USH2A: variants seen among roughly 807,000 people sequenced by gnomAD.
USH2A encodes Usher syndrome 2A (autosomal recessive, mild).
In USH2A, 443 loss-of-function variants were observed where a neutral mutation model predicts 538.9. The ratio of observed to expected loss-of-function variants is 0.82; its 90% CI spans 0.76 to 0.89. The LOEUF is 0.89. Among genes scored for constraint, USH2A ranks in the 40% least tolerant of loss-of-function variants. The probability of loss-of-function intolerance (pLI) is 0.00; values close to 1 mark genes in which losing one functional copy is unlikely to be tolerated. For missense variants in USH2A, 6,633 were observed against 6,324.8 expected, an observed-to-expected ratio of 1.05 and a Z score of -1.65; for synonymous variants, 2,413 against 2,273.5, an observed-to-expected ratio of 1.06 and a Z score of -1.75.
chr1:216,258,329 A>G (rs1263523982), intron 11 of USH2A, among the ~76,000 whole-genome samples: 1 of 152,058 alleles, frequency 6.6e-6, no homozygotes, highest in African/African-American at 2.4e-5. Context: ...ACGAATCATA[A>G]ATTTTCTCGC....
intron 15 of USH2A, among the ~76,000 whole-genome samples, chr1:216,211,795 G>A (rs945334734): frequency 6.6e-6 from 1 of 151,854 alleles, no homozygotes; most frequent in Non-Finnish European, 1.5e-5. Context: ...TTCCATATTT[G>A]ATATGGTCAC....
chr1:215,878,156 C>T (rs1664822799), intron 42 of USH2A, among the ~76,000 whole-genome samples: 1 of 152,050 alleles, frequency 6.6e-6, no homozygotes, highest in Non-Finnish European at 1.5e-5. Flanking sequence ...GTTAGATGTG[C>T]CAAATCTTTA....
chr1:215,764,394 T>C (rs1186159161), intron 56 of USH2A, among the ~76,000 whole-genome samples: 1 of 152,184 alleles, frequency 6.6e-6, no homozygotes, highest in Non-Finnish European at 1.5e-5. Context: ...ATCTCTAAAA[T>C]GAATTAGAAC....
At chr1:216,032,847 G>A (rs879855358) in intron 32 of USH2A, among the ~76,000 whole-genome samples, 22 of 152,138 alleles carry the variant, frequency 1.4e-4, no homozygotes, top group Non-Finnish European at 2.2e-4. Context: ...ACTGAATTCA[G>A]CCAGCAACCT....
intron 11 of USH2A, among the ~76,000 whole-genome samples, chr1:216,276,137 G>C (rs964545476): frequency 1.3e-5 from 2 of 152,238 alleles, no homozygotes; most frequent in Non-Finnish European, 2.9e-5. Context: ...CAAAAGGCTG[G>C]ATGTCCTCAA....
At chr1:215,772,534 A>G (rs889802940) in intron 55 of USH2A, among the ~76,000 whole-genome samples, 3 of 152,216 alleles carry the variant, frequency 2.0e-5, no homozygotes, top group Non-Finnish European at 2.9e-5. Flanking sequence ...TCCAAGTAAC[A>G]TTACTTTGAA....
At chr1:216,351,497 C>T (rs909244607) in intron 4 of USH2A, among the ~76,000 whole-genome samples, 2 of 152,190 alleles carry the variant, frequency 1.3e-5, no homozygotes, top group African/African-American at 4.8e-5. Flanking sequence ...ACAAGGAGAA[C>T]AAAATAAACA....
chr1:216,121,151 T>A (rs774226759), intron 21 of USH2A, among the ~76,000 whole-genome samples: 4 of 152,158 alleles, frequency 2.6e-5, no homozygotes, highest in Non-Finnish European at 4.4e-5. Flanking sequence ...ATATATTAGT[T>A]TCAAAACAGA....
At chr1:215,912,433 A>T (rs7546277) in intron 38 of USH2A, among the ~76,000 whole-genome samples, 139,462 of 145,480 alleles carry the variant, frequency 0.96, 66,883 homozygotes, top group East Asian at 1. Flanking sequence ...AGAATTTTTG[A>T]GGGTAGGTAG....
At chr1:215,651,637 G>A (rs1457066805) in intron 64 of USH2A, among the ~76,000 whole-genome samples, 1 of 149,576 alleles carries the variant, frequency 6.7e-6, no homozygotes, top group Non-Finnish European at 1.5e-5. Flanking sequence ...TGATTCTACA[G>A]TACACACATT....
intron 3 of USH2A, among the ~76,000 whole-genome samples, chr1:216,415,571 A>C (rs905970248): frequency 2.2e-5 from 3 of 135,660 alleles, no homozygotes; most frequent in South Asian, 2.3e-4. Context: ...GCTGGAATGC[A>C]GTGGCATGAT....
At chr1:215,961,711 A>G (rs986823218) in intron 37 of USH2A, among the ~76,000 whole-genome samples, 2 of 151,874 alleles carry the variant, frequency 1.3e-5, no homozygotes, top group Admixed American at 6.6e-5. Flanking sequence ...ATTAATAAAG[A>G]TGGAAATTTA....
At chr1:215,966,870 C>T (rs1480101910) in intron 36 of USH2A, among the ~76,000 whole-genome samples, 1 of 152,050 alleles carries the variant, frequency 6.6e-6, no homozygotes, top group African/African-American at 2.4e-5. Flanking sequence ...TATTATAATC[C>T]TCAAATATTT....
At chr1:215,832,322 G>A (rs555295471) in intron 47 of USH2A, among the ~76,000 whole-genome samples, 1 of 151,786 alleles carries the variant, frequency 6.6e-6, no homozygotes, top group South Asian at 2.1e-4. Flanking sequence ...TCCAGGCAAA[G>A]GTATTACAAG....
intron 15 of USH2A, among the ~76,000 whole-genome samples, chr1:216,211,582 T>C (rs1410445946): frequency 6.6e-6 from 1 of 152,236 alleles, no homozygotes; most frequent in Non-Finnish European, 1.5e-5. Flanking sequence ...ATTTACATCA[T>C]ATGTTTTAAA....
intron 40 of USH2A, among the ~76,000 whole-genome samples, chr1:215,891,974 C>T (rs1394091081): frequency 6.6e-6 from 1 of 152,166 alleles, no homozygotes; most frequent in Non-Finnish European, 1.5e-5. Flanking sequence ...ACATTAATAA[C>T]GGAAAGTAGT....
At chr1:215,654,843 AT>A (rs779033405) in intron 64 of USH2A, among the ~76,000 whole-genome samples, 5 of 152,232 alleles carry the variant, frequency 3.3e-5, no homozygotes, top group Admixed American at 6.5e-5. Flanking sequence ...CATTAAAAAA[AT>A]GAAATTGTTC....
intron 21 of USH2A, among the ~76,000 whole-genome samples, chr1:216,111,756 G>A (rs535617540): frequency 3.1e-4 from 46 of 149,724 alleles, no homozygotes; most frequent in African/African-American, 1.1e-3. Context: ...AAACTAAAAA[G>A]AAAATTTTCA....
intron 61 of USH2A, among the ~76,000 whole-genome samples, chr1:215,718,114 T>C (rs1365873394): frequency 1.3e-5 from 2 of 152,218 alleles, no homozygotes; most frequent in Admixed American, 6.5e-5. Flanking sequence ...TCTAGCTTAC[T>C]ATTACCCAGG....
Sources: gnomAD v4.1 joint callset for allele counts (sites outside exome capture counted in the v4.1 genomes callset) on GRCh38, gnomAD v4.1.1 for gene constraint, MANE v1.5 for transcripts, NCBI Gene and HGNC (gene_info 2026-07-23, HGNC 2026-07-21) for gene names.